The following OR52A5 variants were observed in gnomAD, a reference collection of about 807,000 sequenced individuals.
OR52A5 encodes the protein olfactory receptor 52A5.
A neutral mutation model predicts 18.2 loss-of-function variants in OR52A5; 16 were observed. The observed-to-expected ratio is 0.88, with a 90% confidence interval of 0.60 to 1.34. The LOEUF (loss-of-function observed/expected upper bound fraction) is 1.34, where lower values mean the gene tolerates loss of function less well. OR52A5 is among the 40% of genes most tolerant of loss of function. The pLI is 0.00. For missense variants in OR52A5, 418 were observed against 383.0 expected, an observed-to-expected ratio of 1.09 and a Z score of -0.76; for synonymous variants, 140 against 137.2, an observed-to-expected ratio of 1.02 and a Z score of -0.14.
intron 1 of OR52A5, among the ~76,000 whole-genome samples, chr11:5,136,358 AG>A (rs1039770024): frequency 6.6e-6 from 1 of 152,170 alleles, no homozygotes; most frequent in African/African-American, 2.4e-5. Context: ...TCTCAATCTC[AG>A]CACTGACATC....
rs147450641 is a variant in OR52A5, at chr11:5,135,962, T to C, written c.-61+2349A>G. Among the ~76,000 whole-genome samples, 966 of 152,298 alleles carry C rather than the reference T, an allele frequency of 6.3e-3. 17 individuals are homozygous for C. The highest frequency in any genetic ancestry group is 0.022 in the African/African-American group (916 of 41,552). On this transcript the variant is annotated intron_variant, in intron 1 of 1. Transcript: ENST00000307388. ...CAAATATCTTACAGAGTTTGACTCT[T>C]TGTTGACATATATACTGGGCAATAA...
intron 1 of OR52A5, among the ~76,000 whole-genome samples, chr11:5,135,412 T>A (rs892183692): frequency 6.6e-6 from 1 of 152,158 alleles, no homozygotes; most frequent in African/African-American, 2.4e-5. Context: ...TTGAACAACA[T>A]ACCATCCAAA....
chr11:5,133,238 G>T (rs1846359636), intron 1 of OR52A5, among the ~76,000 whole-genome samples: 1 of 151,730 alleles, frequency 6.6e-6, no homozygotes, highest in African/African-American at 2.4e-5. Flanking sequence ...TGTGGTGGCA[G>T]GCGCCTGTAG....
intron 1 of OR52A5, among the ~76,000 whole-genome samples, chr11:5,135,338 G>C (rs1381032925): frequency 6.6e-6 from 1 of 152,090 alleles, no homozygotes; most frequent in Non-Finnish European, 1.5e-5. Flanking sequence ...TTATCACATA[G>C]GTATAGGACG....
chr11:5,132,331 C>A lies in OR52A5; in HGVS notation c.312G>T (p.Trp104Cys). Residue 104 changes from tryptophan to cysteine, a missense_variant, in exon 2 of 2, where the codon TGG becomes TGT. Transcript: ENST00000307388. ...CAATTGCCTGGAATGAGTGAATAAGCCACATTTGAAAAAGACAGGCATCAA... is the reference window on the plus strand; with the variant it reads ...CAATTGCCTGGAATGAGTGAATAAGACACATTTGAAAAAGACAGGCATCAA... The part of the protein sequence containing the change: ...ISFDACLFQM[W>C]LIHSFQAIES... 1 of 1,614,072 alleles carries A rather than the reference C, an allele frequency of 6.2e-7. No homozygotes were observed. The highest frequency in any genetic ancestry group is 8.5e-7 in the Non-Finnish European group (1 of 1,180,014).
At position 5,131,929 on chromosome 11, in the gene OR52A5, G is replaced by T; in HGVS notation, c.714C>A (p.Phe238Leu). The change falls in exon 2 of 2, where the codon TTC becomes TTA. Residue 238 changes from phenylalanine to leucine, a missense_variant. Physicochemically the swap from Phe to Leu is conservative, Grantham distance 22. Transcript: ENST00000307388. ...VFQLPQKEAR[F>L]KAFNTCIAHI... Reference sequence around the variant, plus strand: ...GGGCAATGCATGTATTAAAGGCCTTGAATCGTGCCTCCTTCTGGGGCAGCT... The same window carrying T: ...GGGCAATGCATGTATTAAAGGCCTTTAATCGTGCCTCCTTCTGGGGCAGCT... 6.2e-7 allele frequency: 1 copy of T among 1,614,174 alleles called. No homozygotes were observed. The highest frequency in any genetic ancestry group is 1.1e-5 in the South Asian group (1 of 91,068).
intron 1 of OR52A5, among the ~76,000 whole-genome samples, chr11:5,134,956 G>A (rs956431429): frequency 1.3e-5 from 2 of 151,992 alleles, no homozygotes; most frequent in East Asian, 3.9e-4. Flanking sequence ...TGCAAGCTCC[G>A]CCTCCCGGGT....
chr11:5,131,804 G>T lies in OR52A5; in HGVS notation c.839C>A (p.Ser280Ter). 1.2e-6 allele frequency: 2 copies of T among 1,613,890 alleles called. No homozygotes were observed. Among genetic ancestry groups the T allele is most frequent in the South Asian group, 1.1e-5 (1 of 91,010 alleles). Residue 280 changes from serine (S) to a stop codon, truncating the protein, a stop_gained, in exon 2 of 2, where the codon TCA (serine) becomes TAA (stop). Coordinates refer to ENST00000307388, the MANE Select transcript of OR52A5 (RefSeq NM_001005160.3). LOFTEE classifies it high-confidence loss of function. ...AGGTGGGACTAACAGGTAAAGATTT[G>T]ACAAGAGGATATGAATATATGGTGG... ...HIPPYIHILL[S>*]NLYLLVPPFL...
At chr11:5,134,295 C>A (rs900845095) in intron 1 of OR52A5, among the ~76,000 whole-genome samples, 1 of 152,154 alleles carries the variant, frequency 6.6e-6, no homozygotes, top group African/African-American at 2.4e-5. Context: ...AAGGAAAAAT[C>A]TCACCAACCT....
In OR52A5 at chr11:5,130,940, C is replaced by A. The variant is rs186950836; in HGVS notation, c.*752G>T. On this transcript the variant is annotated 3_prime_UTR_variant, in exon 2 of 2. Transcript: ENST00000307388. ...GCATAATGATTATTTCAAGTCTTCA[C>A]CTTTCTTTTACCCTGATAATATTGG... The A allele has an allele frequency of 5.3e-5, 8 of 152,044 alleles. No homozygotes were observed. Among genetic ancestry groups the A allele is most frequent in the Non-Finnish European group, 1.0e-4 (7 of 67,962 alleles). The allele number at this position is 152,044 out of a possible 1,614,324, so 9.4% of individuals were successfully genotyped here.
At position 5,129,770 on chromosome 11, in the gene OR52A5, A is replaced by C. The variant is rs903574599; in HGVS notation, c.*1922T>G. 6.6e-6 allele frequency: 1 copy of C among 152,172 alleles called. No homozygotes were observed. The highest frequency in any genetic ancestry group is 2.4e-5 in the African/African-American group (1 of 41,438). 9.4% of individuals were successfully genotyped at this position (152,172 alleles called of 1,614,324 possible). Reference sequence around the variant, plus strand: ...AAAGAAGACCAAAAAGCAACCAAGAAGTCAAACAGATCTGTGTGCTGACTG... The same window carrying C: ...AAAGAAGACCAAAAAGCAACCAAGACGTCAAACAGATCTGTGTGCTGACTG... On this transcript the variant is annotated 3_prime_UTR_variant, in exon 2 of 2. Transcript: ENST00000307388.
At position 5,128,919 on chromosome 11, in the gene OR52A5, T is replaced by C. The variant is rs1846310645; in HGVS notation, c.*2773A>G. 1 of 152,020 alleles carries C rather than the reference T, an allele frequency of 6.6e-6. No individual in the cohort carries two copies. The highest frequency in any genetic ancestry group is 2.1e-4 in the South Asian group (1 of 4,830). 9.4% of individuals were successfully genotyped at this position (152,020 alleles called of 1,614,324 possible). On this transcript the variant is annotated 3_prime_UTR_variant, in exon 2 of 2. Coordinates refer to ENST00000307388, the MANE Select transcript of OR52A5 (RefSeq NM_001005160.3). The stretch of plus-strand genomic sequence containing the variant: ...GGTAGTGATGATGGTTGCACAGCCT[T>C]TATAATACACTAAAAATCATCAAAT...
At position 5,130,088 on chromosome 11, in the gene OR52A5, AAT is replaced by A. The variant is rs1355613069; in HGVS notation, c.*1602_*1603del. Reference sequence around the variant, plus strand: ...CTCATACTCCAGAGAATGAAAAAAAAATATGTCTTTTAGGATATGTAATGTGT... The same window carrying A: ...CTCATACTCCAGAGAATGAAAAAAAAATGTCTTTTAGGATATGTAATGTGT... On this transcript the variant is annotated 3_prime_UTR_variant, in exon 2 of 2. Transcript: ENST00000307388. 6.6e-6 allele frequency: 1 copy of A among 152,060 alleles called. No homozygotes were observed. Among genetic ancestry groups the A allele is most frequent in the Non-Finnish European group, 1.5e-5 (1 of 67,996 alleles). The allele number at this position is 152,060 out of a possible 1,614,324, so 9.4% of individuals were successfully genotyped here. A position where few individuals can be genotyped will look rare whatever the true frequency, so the allele number is the denominator to read the frequency against.
Position 5,129,756 on chromosome 11 carries a change from A to G in OR52A5, c.*1936T>C, listed in dbSNP as rs988067031. On this transcript the variant is annotated 3_prime_UTR_variant, in exon 2 of 2. Coordinates refer to ENST00000307388, the MANE Select transcript of OR52A5 (RefSeq NM_001005160.3). ...CAAATTTGACCTGTAAAGAAGACCAAAAAGCAACCAAGAAGTCAAACAGAT... is the reference window on the plus strand; with the variant it reads ...CAAATTTGACCTGTAAAGAAGACCAGAAAGCAACCAAGAAGTCAAACAGAT... 2 of 152,132 alleles carry G rather than the reference A, an allele frequency of 1.3e-5. No individual in the cohort carries two copies. Among genetic ancestry groups the G allele is most frequent in the African/African-American group, 4.8e-5 (2 of 41,428 alleles). 9.4% of individuals were successfully genotyped at this position (152,132 alleles called of 1,614,324 possible). A position where few individuals can be genotyped will look rare whatever the true frequency, so the allele number is the denominator to read the frequency against.
At chr11:5,132,859 T>C (rs1199194894) in intron 1 of OR52A5, among the ~76,000 whole-genome samples, 157 bp from the exon 2 acceptor site, 1 of 152,260 alleles carries the variant, frequency 6.6e-6, no homozygotes, top group Non-Finnish European at 1.5e-5. Flanking sequence ...CATCAGGTTC[T>C]GTTTCTCCAT....
chr11:5,132,239 G>C lies in OR52A5; in HGVS notation c.404C>G (p.Ala135Gly), dbSNP rs753725153. ...YVAICIPLRH[A>G]TIFSQQFLTH... ...TAAGAACTGCTGGGAAAAGATGGTGGCATGTCTCAAGGGGATACAGATGGC... is the reference window on the plus strand; with the variant it reads ...TAAGAACTGCTGGGAAAAGATGGTGCCATGTCTCAAGGGGATACAGATGGC... Residue 135 changes from alanine to glycine, a missense_variant, in exon 2 of 2, where the codon GCC becomes GGC. Transcript: ENST00000307388. The C allele has an allele frequency of 2.5e-6, 4 of 1,614,074 alleles. No homozygotes were observed. Among genetic ancestry groups the C allele is most frequent in the Non-Finnish European group, 3.4e-6 (4 of 1,180,008 alleles).
chr11:5,131,102 T>C lies in OR52A5; in HGVS notation c.*590A>G, dbSNP rs561290869. 2 of 152,398 alleles carry C rather than the reference T, an allele frequency of 1.3e-5. No individual in the cohort carries two copies. The highest frequency in any genetic ancestry group is 4.1e-4 in the South Asian group (2 of 4,830). The allele number at this position is 152,398 out of a possible 1,614,324, so 9.4% of individuals were successfully genotyped here. ...TTCATTATTCAATGTCATTTTTACTTAGATTCTAAGAATTCTCAGGCATTG... is the reference window on the plus strand; with the variant it reads ...TTCATTATTCAATGTCATTTTTACTCAGATTCTAAGAATTCTCAGGCATTG... On this transcript the variant is annotated 3_prime_UTR_variant, in exon 2 of 2. Transcript: ENST00000307388.
Position 5,130,708 on chromosome 11 carries a change from ATGATT to A in OR52A5, c.*979_*983del, listed in dbSNP as rs1846328764. ...TATCTATGTCTGCCTCTTGAATGATATGATTTTTTACATCAGAACGTTTTACCATA... is the reference window on the plus strand; with the variant it reads ...TATCTATGTCTGCCTCTTGAATGATATTTTACATCAGAACGTTTTACCATA... On this transcript the variant is annotated 3_prime_UTR_variant, in exon 2 of 2. Transcript: ENST00000307388. 1 of 152,080 alleles carries A rather than the reference ATGATT, an allele frequency of 6.6e-6. No homozygotes were observed. The highest frequency in any genetic ancestry group is 2.4e-5 in the African/African-American group (1 of 41,426). The allele number at this position is 152,080 out of a possible 1,614,324, so 9.4% of individuals were successfully genotyped here. A position where few individuals can be genotyped will look rare whatever the true frequency, so the allele number is the denominator to read the frequency against.
intron 1 of OR52A5, among the ~76,000 whole-genome samples, chr11:5,133,945 C>T (rs1478503056): frequency 1.3e-5 from 2 of 152,084 alleles, no homozygotes; most frequent in Non-Finnish European, 2.9e-5. Context: ...TTTTCTTTGG[C>T]ACGTTATTTT....
Sources: gnomAD v4.1 joint callset for allele counts (sites outside exome capture counted in the v4.1 genomes callset) on GRCh38, gnomAD v4.1.1 for gene constraint, MANE v1.5 for transcripts, NCBI Gene and HGNC (gene_info 2026-07-23, HGNC 2026-07-21) for gene names.